The following GPR158 variants were observed in gnomAD, a reference collection of about 807,000 sequenced individuals.
The protein encoded by GPR158 is G protein-coupled receptor 158, also known as metabotropic glycine receptor.
A neutral mutation model predicts 78.2 loss-of-function variants in GPR158; 30 were observed. That is an observed-to-expected ratio of 0.38 (90% CI 0.29 to 0.52). The LOEUF is 0.52. GPR158 is among the 20% of genes least tolerant of loss of function. The probability of loss-of-function intolerance (pLI) is 0.83; values close to 1 mark genes in which losing one functional copy is unlikely to be tolerated. For synonymous variants in GPR158, 581 were observed against 591.1 expected (o/e 0.98, Z 0.25); for missense variants, 1,463 against 1,523.5 (o/e 0.96, Z 0.66).
chr10:25,211,970 C>A (rs569586857), intron 1 of GPR158, among the ~76,000 whole-genome samples: 1 of 152,238 alleles, frequency 6.6e-6, no homozygotes, highest in South Asian at 2.1e-4. Context: ...TTGGGCAAGT[C>A]CTCTTTTTCT....
intron 2 of GPR158, among the ~76,000 whole-genome samples, chr10:25,365,082 A>G (rs913177089): frequency 3.3e-5 from 5 of 151,682 alleles, no homozygotes; most frequent in Admixed American, 3.3e-4. Flanking sequence ...ATTTTTTCCT[A>G]TTTTGGAAAA....
At chr10:25,400,535 T>C (rs1349507496) in intron 3 of GPR158, among the ~76,000 whole-genome samples, 3 of 152,184 alleles carry the variant, frequency 2.0e-5, no homozygotes, top group African/African-American at 7.2e-5. Flanking sequence ...CTGGCATTGC[T>C]CTTGAAATTG....
At chr10:25,372,948 C>A (rs574275173) in intron 2 of GPR158, among the ~76,000 whole-genome samples, 1 of 151,834 alleles carries the variant, frequency 6.6e-6, no homozygotes, top group Non-Finnish European at 1.5e-5. Flanking sequence ...TCTTATTACT[C>A]GGTATATACC....
intron 2 of GPR158, among the ~76,000 whole-genome samples, chr10:25,303,567 TG>T (rs1854628816): frequency 6.6e-6 from 1 of 152,222 alleles, no homozygotes; most frequent in Admixed American, 6.5e-5. Flanking sequence ...GGAATAATAG[TG>T]GCGCAAACCG....
At chr10:25,496,211 C>T (rs937494607) in intron 5 of GPR158, among the ~76,000 whole-genome samples, 66 of 152,276 alleles carry the variant, frequency 4.3e-4, no homozygotes, top group African/African-American at 1.6e-3. Flanking sequence ...CCTTTCTATC[C>T]TGCTGTGATT....
intron 4 of GPR158, among the ~76,000 whole-genome samples, chr10:25,431,774 C>T (rs1834910956): frequency 6.6e-6 from 1 of 152,036 alleles, no homozygotes; most frequent in South Asian, 2.1e-4. Context: ...AAACCAAACA[C>T]CGCATATTCT....
At chr10:25,262,411 T>A (rs537754977) in intron 2 of GPR158, among the ~76,000 whole-genome samples, 1 of 152,284 alleles carries the variant, frequency 6.6e-6, no homozygotes, top group South Asian at 2.1e-4. Context: ...CTGTAACTTC[T>A]TAGTATCTAG....
chr10:25,464,757 A>G (rs1835400534), intron 4 of GPR158, among the ~76,000 whole-genome samples: 2 of 152,174 alleles, frequency 1.3e-5, no homozygotes, highest in South Asian at 4.1e-4. Flanking sequence ...ACAGACAGTC[A>G]TGTATAATAT....
chr10:25,465,727 G>C (rs1013560648), intron 4 of GPR158, among the ~76,000 whole-genome samples: 6 of 152,146 alleles, frequency 3.9e-5, no homozygotes, highest in Non-Finnish European at 8.8e-5. Flanking sequence ...AAGACCTTGT[G>C]CATGTGCTTT....
chr10:25,371,784 A>G (rs1833997189), intron 2 of GPR158, among the ~76,000 whole-genome samples: 1 of 134,868 alleles, frequency 7.4e-6, no homozygotes, highest in Non-Finnish European at 1.6e-5. Context: ...ACCATTCAGG[A>G]CATAGGCAAG....
intron 4 of GPR158, among the ~76,000 whole-genome samples, chr10:25,431,668 A>G (rs1834908598): frequency 6.7e-6 from 1 of 149,854 alleles, no homozygotes; most frequent in East Asian, 1.9e-4. Context: ...ACCATGGAAT[A>G]CTATGCAGCC....
At chr10:25,539,136 C>T (rs1836540800) in intron 5 of GPR158, among the ~76,000 whole-genome samples, 1 of 152,090 alleles carries the variant, frequency 6.6e-6, no homozygotes, top group South Asian at 2.1e-4. Flanking sequence ...GGTGTTCTAA[C>T]CTATGCATGG....
chr10:25,330,871 A>G (rs1197555428), intron 2 of GPR158, among the ~76,000 whole-genome samples: 1 of 144,338 alleles, frequency 6.9e-6, no homozygotes, highest in African/African-American at 2.9e-5. Flanking sequence ...GTTTGTTCCT[A>G]TATATTGAAT....
chr10:25,461,279 G>A (rs752161272), intron 4 of GPR158, among the ~76,000 whole-genome samples: 4 of 152,140 alleles, frequency 2.6e-5, no homozygotes, highest in African/African-American at 4.8e-5. Flanking sequence ...CTAACTAGCC[G>A]ATTTGTAAAT....
At chr10:25,295,304 A>G (rs968746059) in intron 2 of GPR158, among the ~76,000 whole-genome samples, 2 of 152,226 alleles carry the variant, frequency 1.3e-5, no homozygotes, top group African/African-American at 4.8e-5. Flanking sequence ...TGGCAGCTCT[A>G]CATGTATGCT....
intron 4 of GPR158, among the ~76,000 whole-genome samples, chr10:25,430,115 C>T (rs1270684533): frequency 6.7e-5 from 10 of 149,876 alleles, no homozygotes; most frequent in East Asian, 3.9e-4. Context: ...GAAAACCCCA[C>T]TGTCTCAGCC....
intron 4 of GPR158, among the ~76,000 whole-genome samples, chr10:25,427,134 G>T (rs1834835186): frequency 6.6e-6 from 1 of 151,974 alleles, no homozygotes; most frequent in African/African-American, 2.4e-5. Flanking sequence ...ATTCTGTCAA[G>T]AGTAACTCCA....
At chr10:25,201,975 G>A (rs181420108) in intron 1 of GPR158, among the ~76,000 whole-genome samples, 1 of 152,058 alleles carries the variant, frequency 6.6e-6, no homozygotes, top group Non-Finnish European at 1.5e-5. Context: ...TCAGAATGAT[G>A]CTGGCCTTAT....
intron 2 of GPR158, among the ~76,000 whole-genome samples, chr10:25,242,236 AT>A (rs1853637283): frequency 6.6e-6 from 1 of 152,224 alleles, no homozygotes; most frequent in Non-Finnish European, 1.5e-5. Context: ...GTGAATCTTC[AT>A]TTCATTAAAC....
Sources: gnomAD v4.1 joint callset for allele counts (sites outside exome capture counted in the v4.1 genomes callset) on GRCh38, gnomAD v4.1.1 for gene constraint, MANE v1.5 for transcripts, NCBI Gene and HGNC (gene_info 2026-07-23, HGNC 2026-07-21) for gene names.